The following COMMD7 variants were observed in gnomAD, a reference collection of about 807,000 sequenced individuals.
COMMD7 encodes the protein COMM domain-containing protein 7.
In COMMD7, 28 loss-of-function variants were observed where a neutral mutation model predicts 34.8. The ratio of observed to expected loss-of-function variants is 0.80; its 90% CI spans 0.60 to 1.10. The LOEUF (loss-of-function observed/expected upper bound fraction) is 1.10. Among genes scored for constraint, COMMD7 ranks in the 50% least tolerant of loss-of-function variants. The probability of loss-of-function intolerance (pLI) is 0.00; values close to 1 mark genes in which losing one functional copy is unlikely to be tolerated. For synonymous variants in COMMD7, 80 were observed against 86.4 expected (o/e 0.93, Z 0.41); for missense variants, 211 against 241.6 (o/e 0.87, Z 0.84).
At chr20:32,710,968 G>A (rs1984402182) in intron 3 of COMMD7, among the ~76,000 whole-genome samples, 1 of 152,118 alleles carries the variant, frequency 6.6e-6, no homozygotes, top group African/African-American at 2.4e-5. Context: ...CTGTAATCCA[G>A]CTGCTCAGGA....
At chr20:32,712,719 G>C (rs1368501545) in intron 3 of COMMD7, among the ~76,000 whole-genome samples, 1 of 127,720 alleles carries the variant, frequency 7.8e-6, no homozygotes, top group African/African-American at 3.0e-5. Context: ...ATAACTTTGA[G>C]ATGGTCCCTT....
intron 5 of COMMD7, among the ~76,000 whole-genome samples, chr20:32,706,198 CAAAA>C (rs750061575): frequency 1.8e-4 from 19 of 106,334 alleles, no homozygotes; most frequent in Non-Finnish European, 2.8e-4. Context: ...AACTCTGTCT[CAAAA>C]AAAAAAAAAA....
At chr20:32,709,399 CAAAA>C (rs60023181) in intron 3 of COMMD7, among the ~76,000 whole-genome samples, 1 of 142,056 alleles carries the variant, frequency 7.0e-6, no homozygotes, top group Non-Finnish European at 1.5e-5. Context: ...AACTCTGTCT[CAAAA>C]AAAAAAAAAA....
In COMMD7 at chr20:32,704,855, A is replaced by G; in HGVS notation, c.386T>C (p.Leu129Pro). 6.2e-7 allele frequency: 1 copy of G among 1,614,088 alleles called. No homozygotes were observed. The highest frequency in any genetic ancestry group is 1.1e-5 in the South Asian group (1 of 91,078). The change falls in exon 6 of 9, where the codon CTG becomes CCG. Residue 129 changes from leucine to proline, a missense_variant. Physicochemically the swap from Leu to Pro is moderately conservative, Grantham distance 98. Coordinates refer to ENST00000278980, the MANE Select transcript of COMMD7 (RefSeq NM_053041.3). ...CATATCTATGAGCTGGTTAATCATC[A>G]GAGTCTGACCTATGGCCCATCGAGC... ...TLARWAIGQTLMINQLIDMEW... is the reference protein window; with the variant it reads ...TLARWAIGQTPMINQLIDMEW...
chr20:32,728,473 C>T (rs576296885), intron 1 of COMMD7, among the ~76,000 whole-genome samples: 4 of 149,038 alleles, frequency 2.7e-5, no homozygotes, highest in East Asian at 2.0e-4. Flanking sequence ...CACACACGCA[C>T]GCACAAGGGG....
intron 1 of COMMD7, among the ~76,000 whole-genome samples, chr20:32,734,176 G>A (rs1204869689): frequency 4.0e-5 from 5 of 125,360 alleles, no homozygotes; most frequent in East Asian, 2.2e-4. Flanking sequence ...GCGAGACTCC[G>A]TCACAAAAAA....
chr20:32,723,108 C>G (rs967916519), intron 3 of COMMD7, among the ~76,000 whole-genome samples: 4 of 46,876 alleles, frequency 8.5e-5, no homozygotes, highest in Admixed American at 1.5e-4. Context: ...CTCCGTCTCC[C>G]TCTCCCTCTC....
At position 32,722,017 on chromosome 20, in the gene COMMD7, C is replaced by T. The variant is rs1333237941; in HGVS notation, c.241+5876G>A. Among the ~76,000 whole-genome samples the T allele has an allele frequency of 3.3e-5, 5 of 150,174 alleles. No individual in the cohort carries two copies. In the East Asian group the frequency reaches 7.9e-4, roughly 24 times the overall value. On this transcript the variant is annotated intron_variant, in intron 3 of 8. Coordinates refer to ENST00000278980, the MANE Select transcript of COMMD7 (RefSeq NM_053041.3). ...TGGAGGTTGCAGTGAGCCGAGATCA[C>T]GTCACTGCACTCCAGCCTGGGCAAC... is the stretch of plus-strand genomic sequence containing the variant.
In COMMD7 at chr20:32,723,215, C is replaced by T. The variant is rs1284858970; in HGVS notation, c.241+4678G>A. On this transcript the variant is annotated intron_variant, in intron 3 of 8. Coordinates refer to ENST00000278980, the MANE Select transcript of COMMD7 (RefSeq NM_053041.3). The stretch of plus-strand genomic sequence containing the variant: ...GCGGAGCCGAAGCTGGACTGTACTG[C>T]TGCCATCTCGGCTCACTGCAACCTC... Among the ~76,000 whole-genome samples, 3 of 46,408 alleles carry T rather than the reference C, an allele frequency of 6.5e-5. 1 individual carries two copies. The highest frequency in any genetic ancestry group is 1.6e-4 in the Non-Finnish European group (3 of 18,562). The allele number at this position is 46,408 out of a possible 152,430, so 30.4% of individuals were successfully genotyped here. A position where few individuals can be genotyped will look rare whatever the true frequency, so the allele number is the denominator to read the frequency against.
intron 1 of COMMD7, among the ~76,000 whole-genome samples, chr20:32,740,846 G>GT (rs1334584961): frequency 1.3e-5 from 2 of 149,654 alleles, no homozygotes; most frequent in Non-Finnish European, 3.0e-5. Context: ...CATTCATGAA[G>GT]TAAAAAGTTA....
intron 1 of COMMD7, among the ~76,000 whole-genome samples, chr20:32,730,841 TCAC>T (rs1236526595): frequency 1.3e-5 from 2 of 151,780 alleles, no homozygotes; most frequent in Admixed American, 1.3e-4. Flanking sequence ...ATAATTAGAG[TCAC>T]TATACCATTT....
In COMMD7 at chr20:32,703,115, C is replaced by A; in HGVS notation, c.*267G>T. 6.0e-6 allele frequency: 2 copies of A among 332,092 alleles called. No individual in the cohort carries two copies. Among genetic ancestry groups the A allele is most frequent in the Non-Finnish European group, 1.1e-5 (2 of 184,190 alleles). The allele number at this position is 332,092 out of a possible 1,614,324, so 20.6% of individuals were successfully genotyped here. On this transcript the variant is annotated 3_prime_UTR_variant, in exon 9 of 9. Transcript: ENST00000278980. ...TATTTTCTCCCCTGAATCTGAGATGCAGTGGCCTGTCAGAGTATCTAAAAA... is the reference window on the plus strand; with the variant it reads ...TATTTTCTCCCCTGAATCTGAGATGAAGTGGCCTGTCAGAGTATCTAAAAA...
At chr20:32,710,292 T>C (rs1257732523) in intron 3 of COMMD7, among the ~76,000 whole-genome samples, 2 of 152,142 alleles carry the variant, frequency 1.3e-5, no homozygotes, top group Non-Finnish European at 2.9e-5. Context: ...ATTTTTCCAC[T>C]AGAACACCAG....
chr20:32,704,510 A>AAG (rs750068657), intron 6 of COMMD7, 21 bp from the exon 7 acceptor site: 55 of 1,133,384 alleles, frequency 4.9e-5, no homozygotes, highest in African/African-American at 1.1e-4. Context: ...AAAAAAAAAA[A>AAG]AGAGAGAGAG....
rs531692915 is a variant in COMMD7, at chr20:32,734,041, C to G, written c.85-5899G>C. The stretch of plus-strand genomic sequence containing the variant: ...ATAAAAAATAAAAAAATTAGCCAAG[C>G]GTGGTAGGGGGCGCCTATAGTCCCA... On this transcript the variant is annotated intron_variant, in intron 1 of 8. Transcript: ENST00000278980. 2.0e-5 allele frequency among the ~76,000 whole-genome samples: 3 copies of G among 151,296 alleles called. No individual in the cohort carries two copies. In the East Asian group the frequency reaches 5.8e-4, roughly 29 times the overall value.
intron 3 of COMMD7, among the ~76,000 whole-genome samples, chr20:32,720,901 T>C (rs1170672688): frequency 2.0e-5 from 3 of 152,208 alleles, no homozygotes; most frequent in Non-Finnish European, 4.4e-5. Flanking sequence ...ACCTGCTTTA[T>C]GCCATTACCT....
chr20:32,741,675 C>T (rs1359001890), intron 1 of COMMD7, among the ~76,000 whole-genome samples: 2 of 152,062 alleles, frequency 1.3e-5, no homozygotes, highest in Admixed American at 6.6e-5. Context: ...TGTGAGCCAC[C>T]GTGCCCGGCC....
chr20:32,718,381 G>T (rs1269271511), intron 3 of COMMD7, among the ~76,000 whole-genome samples: 3 of 150,400 alleles, frequency 2.0e-5, no homozygotes, highest in African/African-American at 7.4e-5. Context: ...TCCAGCCTGG[G>T]CTACAGAGCG....
At chr20:32,705,376 ATT>A (rs200183828) in intron 5 of COMMD7, among the ~76,000 whole-genome samples, 37 of 125,460 alleles carry the variant, frequency 2.9e-4, no homozygotes, top group African/African-American at 1.1e-3. Flanking sequence ...ATATATATAT[ATT>A]TTTTTTTTTC....
Sources: allele counts gnomAD v4.1 joint callset (sites outside exome capture counted in the v4.1 genomes callset), GRCh38; gene constraint gnomAD v4.1.1; transcripts MANE v1.5; gene names NCBI Gene and HGNC (gene_info 2026-07-23, HGNC 2026-07-21).